The following ATF2 variants were observed in gnomAD, a reference collection of about 807,000 sequenced individuals.
ATF2 encodes cyclic AMP-dependent transcription factor ATF-2.
In ATF2, 24 loss-of-function variants were observed where a neutral mutation model predicts 60.6. The observed-to-expected ratio is 0.40, with a 90% CI of 0.29 to 0.56. The LOEUF is 0.56. Among genes scored for constraint, ATF2 ranks in the 20% least tolerant of loss-of-function variants. The probability of loss-of-function intolerance (pLI) is 0.54; values close to 1 mark genes in which losing one functional copy is unlikely to be tolerated. For missense variants in ATF2, 433 were observed against 607.7 expected (o/e 0.71, Z 3.02); for synonymous variants, 206 against 215.4 (o/e 0.96, Z 0.38).
In ATF2 at chr2:175,073,610, G is replaced by A. The variant is rs1255192041; in HGVS notation, c.*999C>T. 6.6e-6 allele frequency: 1 copy of A among 151,966 alleles called. No individual in the cohort carries two copies. The highest frequency in any genetic ancestry group is 6.6e-5 in the Admixed American group (1 of 15,210). 9.4% of individuals were successfully genotyped at this position (151,966 alleles called of 1,614,324 possible). A position where few individuals can be genotyped will look rare whatever the true frequency, so the allele number is the denominator to read the frequency against. ...CAAAATTTGCTACTAAAAGATGACA[G>A]TGCTTTCACAAGAATAGTACAAGTT... On this transcript the variant is annotated 3_prime_UTR_variant, in exon 14 of 14. Transcript: ENST00000264110.
At chr2:175,143,625 T>A (rs958230147) in intron 2 of ATF2, among the ~76,000 whole-genome samples, 3 of 152,216 alleles carry the variant, frequency 2.0e-5, no homozygotes, top group Non-Finnish European at 4.4e-5. Context: ...GAGAAAGACC[T>A]CATTTCTTAA....
At chr2:175,103,353 A>G (rs1391759242) in intron 10 of ATF2, among the ~76,000 whole-genome samples, 1 of 152,182 alleles carries the variant, frequency 6.6e-6, no homozygotes, top group Non-Finnish European at 1.5e-5. Flanking sequence ...GTTAATTATC[A>G]TTATTGTGGT....
intron 10 of ATF2, among the ~76,000 whole-genome samples, chr2:175,104,060 T>A (rs1045973077): frequency 1.3e-5 from 2 of 151,464 alleles, no homozygotes; most frequent in East Asian, 3.9e-4. Flanking sequence ...TTTTTTTTTT[T>A]AGCAGAAAAG....
rs771528645 is a variant in ATF2, at chr2:175,118,115, G to T, written c.322C>A (p.Pro108Thr). The T allele has an allele frequency of 1.2e-6, 2 of 1,609,000 alleles. No homozygotes were observed. The highest frequency in any genetic ancestry group is 1.7e-6 in the Non-Finnish European group (2 of 1,177,816). Residue 108 changes from proline to threonine, a missense_variant, in exon 7 of 14, where the codon CCT becomes ACT. Physicochemically the swap from Pro to Thr is conservative, Grantham distance 38 (BLOSUM62 -1). This residue lies in a region of ATF2 where 246 missense variants were observed against 309.3 expected (regional missense o/e 0.80). Coordinates refer to ENST00000264110, the MANE Select transcript of ATF2 (RefSeq NM_001880.4). ...GTTGCAAGAGGGGATAAATCTAGAG[G>T]CATCTATAATTCAAATAATAAGGAA... ...KASEDDIKKM[P>T]LDLSPLATPI...
chr2:175,095,256 C>G (rs751736020), intron 11 of ATF2, among the ~76,000 whole-genome samples: 1 of 152,046 alleles, frequency 6.6e-6, no homozygotes, highest in African/African-American at 2.4e-5. Flanking sequence ...CACCACCACA[C>G]CCAGCTTAAT....
intron 2 of ATF2, among the ~76,000 whole-genome samples, chr2:175,142,716 AGAGAGTGTGTGTGTGT>A (rs1449060125): frequency 7.5e-5 from 9 of 120,714 alleles, no homozygotes; most frequent in African/African-American, 1.1e-4. Context: ...AGAGAGAGAG[AGAGAGTGTGTGTGTGT>A]GTGTGTGTGT....
chr2:175,090,930 T>G (rs1694502411), intron 12 of ATF2, among the ~76,000 whole-genome samples: 1 of 152,182 alleles, frequency 6.6e-6, no homozygotes, highest in Non-Finnish European at 1.5e-5. Context: ...TTTTGAATAC[T>G]TAATTTTCCA....
At chr2:175,106,638 C>A (rs1425127957) in intron 10 of ATF2, among the ~76,000 whole-genome samples, 1 of 151,932 alleles carries the variant, frequency 6.6e-6, no homozygotes, top group Non-Finnish European at 1.5e-5. Context: ...GAGTTCGAGA[C>A]CAGCCTGGCC....
At chr2:175,085,912 A>AT (rs1268088003) in intron 12 of ATF2, among the ~76,000 whole-genome samples, 1 of 152,108 alleles carries the variant, frequency 6.6e-6, no homozygotes. Context: ...ACATTCTTTT[A>AT]TTTTTTAATT....
chr2:175,164,251 A>T (rs980181177), intron 1 of ATF2, among the ~76,000 whole-genome samples: 6 of 151,570 alleles, frequency 4.0e-5, no homozygotes, highest in African/African-American at 1.5e-4. Context: ...GTGTAAAAAT[A>T]GGCCTAGTGT....
At chr2:175,157,830 T>C (rs1699776578) in intron 1 of ATF2, among the ~76,000 whole-genome samples, 2 of 151,928 alleles carry the variant, frequency 1.3e-5, no homozygotes, top group South Asian at 4.2e-4. Flanking sequence ...CTTTCTCTAC[T>C]AAAAATACAA....
intron 1 of ATF2, chr2:175,167,511 A>C (rs981438960): frequency 4.7e-6 from 2 of 423,356 alleles, no homozygotes; most frequent in African/African-American, 4.1e-5. Flanking sequence ...AGGGACCCTG[A>C]TTCTATTTTC....
intron 8 of ATF2, 140 bp downstream of exon 8, chr2:175,114,550 A>G (rs1344375033): frequency 1.4e-6 from 2 of 1,398,176 alleles, no homozygotes; most frequent in Non-Finnish European, 1.9e-6. Context: ...AGACTACGCA[A>G]GTACTTTTTC....
intron 2 of ATF2, among the ~76,000 whole-genome samples, chr2:175,145,269 TCTTCAATGTTGGAGGTAGGGCCTGGTGA>T (rs1204543355): frequency 2.0e-5 from 3 of 152,204 alleles, no homozygotes; most frequent in Non-Finnish European, 4.4e-5. Context: ...TGAATTGTAA[TCTTCAATGTTGGAGGTAGGGCCTGGTGA>T]GAGGTGTTGG....
Position 175,080,781 on chromosome 2 carries a change from C to T in ATF2, c.1186-16G>A. The T allele has an allele frequency of 6.3e-7, 1 of 1,585,540 alleles. No individual in the cohort carries two copies. Among genetic ancestry groups the T allele is most frequent in the Middle Eastern group, 1.7e-4 (1 of 5,988 alleles). ...TGACTTCACTCTGGAGAAGAAACAA[C>T]TTATGTACCTTACCACAGACTAAAC... On this transcript the variant is annotated splice_polypyrimidine_tract_variant and intron_variant, in intron 12 of 13. Coordinates refer to ENST00000264110, the MANE Select transcript of ATF2 (RefSeq NM_001880.4).
Position 175,114,011 on chromosome 2 carries a change from C to T in ATF2, c.724G>A (p.Val242Ile). 6.2e-7 allele frequency: 1 copy of T among 1,610,130 alleles called. No homozygotes were observed. Among genetic ancestry groups the T allele is most frequent in the Non-Finnish European group, 8.5e-7 (1 of 1,177,858 alleles). ...PASITSSNVH[V>I]PAAVPLVRPV... is the part of the protein sequence containing the mutation. ...TTTCTTACTGGGACTGCAGCTGGAA[C>T]ATGCACATTAGAACTTGTAATTGAT... The change falls in exon 9 of 14, where the codon GTT becomes ATT. Residue 242 changes from valine (V) to isoleucine (I), a missense_variant. Physicochemically the swap from Val to Ile is conservative, Grantham distance 29. Coordinates refer to ENST00000264110, the MANE Select transcript of ATF2 (RefSeq NM_001880.4).
intron 2 of ATF2, among the ~76,000 whole-genome samples, chr2:175,147,146 A>T (rs1433235): frequency 6.6e-6 from 1 of 152,030 alleles, no homozygotes; most frequent in South Asian, 2.1e-4. Flanking sequence ...CATTTATTCT[A>T]TTAGCTCCTT....
intron 3 of ATF2, among the ~76,000 whole-genome samples, chr2:175,135,095 C>A (rs1029868417): frequency 2.0e-5 from 3 of 150,306 alleles, no homozygotes; most frequent in African/African-American, 7.3e-5. Flanking sequence ...ATTAACCAGG[C>A]ATGGAGAAGG....
At chr2:175,119,782 T>C (rs1696828607) in intron 5 of ATF2, among the ~76,000 whole-genome samples, 2 of 151,674 alleles carry the variant, frequency 1.3e-5, no homozygotes, top group Admixed American at 6.6e-5. Context: ...CCAAAGGGTT[T>C]GTCTATCTAA....
Sources: gnomAD v4.1 joint callset for allele counts (sites outside exome capture counted in the v4.1 genomes callset) on GRCh38, gnomAD v4.1.1 for gene constraint, gnomAD v4.1.1 regional missense constraint, MANE v1.5 for transcripts, NCBI Gene and HGNC (gene_info 2026-07-23, HGNC 2026-07-21) for gene names.